The following CSMD1 variants were observed in gnomAD, a reference collection of about 807,000 sequenced individuals.
CSMD1 encodes the protein CUB and Sushi multiple domains 1.
A neutral mutation model predicts 417.5 loss-of-function variants in CSMD1; 213 were observed. The observed-to-expected ratio is 0.51, with a 90% CI of 0.46 to 0.57. The LOEUF (loss-of-function observed/expected upper bound fraction) is 0.57. CSMD1 is among the 20% of genes least tolerant of loss of function. CSMD1 has a pLI of 0.00. For missense variants in CSMD1, 6,923 were observed against 4,529.7 expected, an observed-to-expected ratio of 1.53 and a Z score of -15.17; for synonymous variants, 2,862 against 1,736.8, an observed-to-expected ratio of 1.65 and a Z score of -16.11.
intron 2 of CSMD1, among the ~76,000 whole-genome samples, chr8:4,445,662 A>C (rs770970546): frequency 6.6e-6 from 1 of 152,200 alleles, no homozygotes; most frequent in Non-Finnish European, 1.5e-5. Context: ...TATTGAAGCC[A>C]CTAGAGAACA....
At chr8:4,700,892 A>G (rs1001378293) in intron 1 of CSMD1, among the ~76,000 whole-genome samples, 13 of 152,216 alleles carry the variant, frequency 8.5e-5, no homozygotes, top group African/African-American at 3.1e-4. Context: ...TGTTACATGG[A>G]GAACAAAACC....
At chr8:4,770,543 T>C (rs1585072140) in intron 1 of CSMD1, among the ~76,000 whole-genome samples, 1 of 151,848 alleles carries the variant, frequency 6.6e-6, no homozygotes, top group African/African-American at 2.4e-5. Context: ...TTGAAGGCAT[T>C]ACACTTCCTG....
chr8:3,118,704 TA>T (rs1478153655), intron 41 of CSMD1, 117 bp from the exon 42 acceptor site: 1 of 850,470 alleles, frequency 1.2e-6, no homozygotes, highest in Non-Finnish European at 1.8e-6. Flanking sequence ...ATAAGTTTAA[TA>T]AGGTATATTT....
chr8:4,423,084 T>C (rs573732888), intron 2 of CSMD1, among the ~76,000 whole-genome samples: 1 of 152,150 alleles, frequency 6.6e-6, no homozygotes, highest in Admixed American at 6.6e-5. Context: ...AGCCTAAAGA[T>C]AACATTTTGC....
intron 5 of CSMD1, among the ~76,000 whole-genome samples, chr8:3,765,079 C>G (rs577210487): frequency 1.3e-5 from 2 of 152,110 alleles, no homozygotes; most frequent in African/African-American, 2.4e-5. Flanking sequence ...TTTTTCATAG[C>G]TTTCAAACAC....
intron 3 of CSMD1, among the ~76,000 whole-genome samples, chr8:4,350,541 G>C (rs545931797): frequency 7.3e-4 from 111 of 152,270 alleles, no homozygotes; most frequent in African/African-American, 2.6e-3. Flanking sequence ...TAGGAATGGA[G>C]GCTAATGTCC....
At chr8:4,491,954 A>G (rs1320593567) in intron 2 of CSMD1, among the ~76,000 whole-genome samples, 1 of 151,190 alleles carries the variant, frequency 6.6e-6, no homozygotes, top group Non-Finnish European at 1.5e-5. Flanking sequence ...ATTGCCAAAA[A>G]TTGGAAGTAA....
At chr8:4,462,416 T>C (rs867799650) in intron 2 of CSMD1, among the ~76,000 whole-genome samples, 2 of 152,118 alleles carry the variant, frequency 1.3e-5, no homozygotes, top group African/African-American at 4.8e-5. Flanking sequence ...ATGGCAATAC[T>C]CCCCAAATTG....
chr8:3,197,258 T>C (rs2098764), intron 33 of CSMD1, among the ~76,000 whole-genome samples: 134,448 of 152,038 alleles, frequency 0.88, 59,855 homozygotes, highest in Non-Finnish European at 0.94. Context: ...TGCACACTGA[T>C]GCTGTTGCAA....
At chr8:3,221,245 C>T (rs1163823823) in intron 28 of CSMD1, among the ~76,000 whole-genome samples, 3 of 152,112 alleles carry the variant, frequency 2.0e-5, no homozygotes, top group Admixed American at 6.5e-5. Flanking sequence ...ACTCCACATC[C>T]TGAATATACT....
At chr8:4,664,000 C>T (rs1306739906) in intron 1 of CSMD1, among the ~76,000 whole-genome samples, 1 of 152,082 alleles carries the variant, frequency 6.6e-6, no homozygotes, top group Non-Finnish European at 1.5e-5. Context: ...CTGGTTCGGG[C>T]AAGAGATCCA....
intron 5 of CSMD1, among the ~76,000 whole-genome samples, chr8:3,950,312 G>C (rs966162944): frequency 7.9e-5 from 12 of 152,284 alleles, no homozygotes; most frequent in African/African-American, 2.9e-4. Flanking sequence ...CAGTTTGATA[G>C]TTTCCAAGTA....
At chr8:4,333,974 C>G (rs987471297) in intron 3 of CSMD1, among the ~76,000 whole-genome samples, 2 of 152,096 alleles carry the variant, frequency 1.3e-5, no homozygotes, top group African/African-American at 4.8e-5. Flanking sequence ...TCACTGCAGT[C>G]TTAATGTTCT....
chr8:4,286,159 T>C lies in CSMD1; in HGVS notation c.415+133794A>G, dbSNP rs370045518. On this transcript the variant is annotated intron_variant, in intron 3 of 69. Transcript: ENST00000635120. ...CGTTTTTACGTTCTTTCTGGTACCATAAACAAAAGTCAAGAGGAGCTCCAG... is the reference window on the plus strand; with the variant it reads ...CGTTTTTACGTTCTTTCTGGTACCACAAACAAAAGTCAAGAGGAGCTCCAG... Among the ~76,000 whole-genome samples, 4 of 152,144 alleles carry C rather than the reference T, an allele frequency of 2.6e-5. No homozygotes were observed. In the South Asian group the frequency reaches 8.3e-4, roughly 32 times the overall value.
intron 11 of CSMD1, among the ~76,000 whole-genome samples, chr8:3,473,473 A>T (rs1441847166): frequency 6.6e-6 from 1 of 152,202 alleles, no homozygotes; most frequent in Non-Finnish European, 1.5e-5. Context: ...TTTAAAACAA[A>T]AGAACTTTTG....
chr8:4,806,039 G>C (rs1798566907), intron 1 of CSMD1, among the ~76,000 whole-genome samples: 1 of 152,108 alleles, frequency 6.6e-6, no homozygotes, highest in African/African-American at 2.4e-5. Context: ...AACAGACAGT[G>C]AGATGACGGA....
chr8:3,124,600 AG>A, intron 41 of CSMD1, among the ~76,000 whole-genome samples: 1 of 152,308 alleles, frequency 6.6e-6, no homozygotes, highest in Admixed American at 6.5e-5. Context: ...TGACCTCTGC[AG>A]CCCCTTCTCC....
chr8:3,483,113 G>C (rs1194060509), intron 11 of CSMD1, among the ~76,000 whole-genome samples: 1 of 152,046 alleles, frequency 6.6e-6, no homozygotes, highest in Non-Finnish European at 1.5e-5. Flanking sequence ...AGGAGGAAGA[G>C]TGCGATAGAG....
intron 3 of CSMD1, among the ~76,000 whole-genome samples, chr8:4,206,221 T>C (rs920886348): frequency 7.2e-5 from 11 of 152,140 alleles, no homozygotes; most frequent in African/African-American, 2.4e-4. Flanking sequence ...ATACTTTAAG[T>C]TCTAGAGTAC....
Sources: gnomAD v4.1 joint callset for allele counts (sites outside exome capture counted in the v4.1 genomes callset) on GRCh38, gnomAD v4.1.1 for gene constraint, MANE v1.5 for transcripts, NCBI Gene and HGNC (gene_info 2026-07-23, HGNC 2026-07-21) for gene names.